The following GNMT variants were observed in gnomAD, a reference collection of about 807,000 sequenced individuals.
GNMT encodes glycine N-methyltransferase.
Under a neutral mutation model 30.2 loss-of-function variants are expected in GNMT, and 26 were observed. The observed-to-expected ratio is 0.86, with a 90% CI of 0.63 to 1.19. The LOEUF (loss-of-function observed/expected upper bound fraction) is 1.19, where lower values mean the gene tolerates loss of function less well. GNMT is among the 50% of genes most tolerant of loss of function. The pLI, the probability that GNMT is intolerant of heterozygous loss-of-function variation, is 0.00. For synonymous variants in GNMT, 163 were observed against 163.8 expected, an observed-to-expected ratio of 1.00 and a Z score of 0.04; for missense variants, 365 against 398.1, an observed-to-expected ratio of 0.92 and a Z score of 0.71.
In GNMT at chr6:42,960,823, C is replaced by A. The variant is rs866499041; in HGVS notation, c.56C>A (p.Pro19Gln). ...CTGGGGGTGGCGGCCGAAGGGCTCCCGGACCAGTACGCGGACGGGGAGGCG... is the reference window on the plus strand; with the variant it reads ...CTGGGGGTGGCGGCCGAAGGGCTCCAGGACCAGTACGCGGACGGGGAGGCG... ...RSLGVAAEGL[P>Q]DQYADGEAAR... Residue 19 changes from proline to glutamine, a missense_variant, in exon 1 of 6, where the codon CCG becomes CAG. By Grantham distance (76) the Pro-to-Gln change is moderately conservative. Around this residue, in one of 3 missense-constraint regions of GNMT, gnomAD observed 125 missense variants for 112.0 expected, o/e 1.12. Coordinates refer to ENST00000372808, the MANE Select transcript of GNMT (RefSeq NM_018960.6). The A allele has an allele frequency of 1.3e-6, 2 of 1,558,674 alleles. No homozygotes were observed. The highest frequency in any genetic ancestry group is 2.7e-5 in the African/African-American group (2 of 73,628).
intron 3 of GNMT, 43 bp from the exon 4 acceptor site, chr6:42,963,029 G>C: frequency 6.2e-7 from 1 of 1,609,956 alleles, no homozygotes. Context: ...GGTGCTGGGG[G>C]CCCTGAGCAG....
At chr6:42,962,061 T>A (rs945190036) in intron 1 of GNMT, 151 bp from the exon 2 acceptor site, 1 of 870,272 alleles carries the variant, frequency 1.1e-6, no homozygotes, top group Non-Finnish European at 1.8e-6. Flanking sequence ...GGAAACAGAT[T>A]TGTGAGGTCA....
At position 42,963,221 on chromosome 6, in the gene GNMT, C is replaced by A. The variant is rs1042612730; in HGVS notation, c.594+7C>A. ...GAAGAACATCTACTATAAGGTGGGG[C>A]CCTCTGGGGTGGGGGTGGGGGTGGG... On this transcript the variant is annotated splice_region_variant and intron_variant, in intron 4 of 5. Transcript: ENST00000372808. The A allele has an allele frequency of 1.4e-6, 2 of 1,459,068 alleles. No individual in the cohort carries two copies. The highest frequency in any genetic ancestry group is 2.4e-5 in the East Asian group (1 of 41,884). 90.4% of individuals were successfully genotyped at this position (1,459,068 alleles called of 1,614,324 possible).
rs898980962 is a variant in GNMT at position 42,963,802 on chromosome 6, A to G, written c.*96A>G. 206 of 1,134,440 alleles carry G rather than the reference A, an allele frequency of 1.8e-4. No homozygotes were observed. Among genetic ancestry groups the G allele is most frequent in the Non-Finnish European group, 2.6e-4 (198 of 757,228 alleles). 70.3% of individuals were successfully genotyped at this position (1,134,440 alleles called of 1,614,324 possible). On this transcript the variant is annotated 3_prime_UTR_variant, in exon 6 of 6. Coordinates refer to ENST00000372808, the MANE Select transcript of GNMT (RefSeq NM_018960.6). ...GCCCCACACCAGGGCCAGCCTCTAGAGCAGACTACAGCTGGGGTGCAGGGA... is the reference window on the plus strand; with the variant it reads ...GCCCCACACCAGGGCCAGCCTCTAGGGCAGACTACAGCTGGGGTGCAGGGA...
chr6:42,963,220 G>A lies in GNMT; in HGVS notation c.594+6G>A, dbSNP rs776271853. Reference sequence around the variant, plus strand: ...GGAAGAACATCTACTATAAGGTGGGGCCCTCTGGGGTGGGGGTGGGGGTGG... The same window carrying A: ...GGAAGAACATCTACTATAAGGTGGGACCCTCTGGGGTGGGGGTGGGGGTGG... On this transcript the variant is annotated splice_donor_region_variant and intron_variant, in intron 4 of 5. Coordinates refer to ENST00000372808, the MANE Select transcript of GNMT (RefSeq NM_018960.6). 1.6e-5 allele frequency: 19 copies of A among 1,208,788 alleles called. No individual in the cohort carries two copies. The highest frequency in any genetic ancestry group is 1.9e-5 in the Non-Finnish European group (17 of 904,564). The allele number at this position is 1,208,788 out of a possible 1,614,324, so 74.9% of individuals were successfully genotyped here. A position where few individuals can be genotyped will look rare whatever the true frequency, so the allele number is the denominator to read the frequency against.
rs1769555007 is a variant in GNMT at position 42,963,547 on chromosome 6, C to T, written c.729C>T (p.Leu243=). ...GCCTCTGTTACAGTAAGTTCCGGCT[C>T]TCCTACTACCCACACTGTCTGGCAT... ...DGSPGLSKFR[L]SYYPHCLASF... Residue 243 remains leucine, a synonymous_variant, in exon 6 of 6, where the codon CTC becomes CTT. Transcript: ENST00000372808. 1 of 1,614,160 alleles carries T rather than the reference C, an allele frequency of 6.2e-7. No individual in the cohort carries two copies. The highest frequency in any genetic ancestry group is 8.5e-7 in the Non-Finnish European group (1 of 1,179,992).
Position 42,963,136 on chromosome 6 carries a change from A to G in GNMT, c.516A>G (p.Leu172=). The change falls in exon 4 of 6, where the codon CTA becomes CTG. Residue 172 remains leucine, a synonymous_variant. Coordinates refer to ENST00000372808, the MANE Select transcript of GNMT (RefSeq NM_018960.6). The part of the protein sequence containing the change: ...NIASMVRAGG[L]LVIDHRNYDH... ...CGAGCATGGTGCGGGCAGGGGGCCTACTGGTCATTGATCATCGCAACTACG... is the reference window on the plus strand; with the variant it reads ...CGAGCATGGTGCGGGCAGGGGGCCTGCTGGTCATTGATCATCGCAACTACG... 1 of 1,612,074 alleles carries G rather than the reference A, an allele frequency of 6.2e-7. No homozygotes were observed. Among genetic ancestry groups the G allele is most frequent in the African/African-American group, 1.3e-5 (1 of 74,708 alleles).
chr6:42,962,676 AC>A, intron 2 of GNMT, 85 bp from the exon 3 acceptor site: 1 of 954,012 alleles, frequency 1.0e-6, no homozygotes, highest in Non-Finnish European at 1.7e-6. Context: ...TTAAGAAGAA[AC>A]CCAGGCAGGA....
intron 1 of GNMT, among the ~76,000 whole-genome samples, chr6:42,961,833 A>C (rs976221361): frequency 6.6e-6 from 1 of 152,114 alleles, no homozygotes; most frequent in Non-Finnish European, 1.5e-5. Context: ...GATTACAGGC[A>C]TGAGCCACCG....
At chr6:42,962,490 T>G (rs1302113356) in intron 2 of GNMT, 151 bp downstream of exon 2, 5 of 901,206 alleles carry the variant, frequency 5.5e-6, no homozygotes, top group Admixed American at 4.4e-5. Context: ...AAGCAAGTCT[T>G]AAGCTCCAGA....
intron 1 of GNMT, among the ~76,000 whole-genome samples, chr6:42,961,673 C>T (rs866113145): frequency 8.6e-5 from 13 of 151,430 alleles, no homozygotes; most frequent in South Asian, 2.1e-4. Flanking sequence ...CCTGCCTCAG[C>T]CTCCCGAGTA....
intron 1 of GNMT, among the ~76,000 whole-genome samples, chr6:42,961,507 C>A (rs2114225099): frequency 6.6e-6 from 1 of 151,384 alleles, no homozygotes; most frequent in Non-Finnish European, 1.5e-5. Context: ...AAGGAGCTAA[C>A]AGGCCCGGGT....
Position 42,962,887 on chromosome 6 carries a change from G to A in GNMT, c.451+9G>A, listed in dbSNP as rs763971935. 2 of 1,608,804 alleles carry A rather than the reference G, an allele frequency of 1.2e-6. No individual in the cohort carries two copies. Among genetic ancestry groups the A allele is most frequent in the Non-Finnish European group, 1.7e-6 (2 of 1,175,074 alleles). On this transcript the variant is annotated intron_variant, in intron 3 of 5. Transcript: ENST00000372808. ...CTTGCCAGACTGCAAAGGTAAGAGAGGGTGTGGCCTTGGGCATGGCCCCCG... is the reference window on the plus strand; with the variant it reads ...CTTGCCAGACTGCAAAGGTAAGAGAAGGTGTGGCCTTGGGCATGGCCCCCG...
chr6:42,961,115 G>A (rs1291014823), intron 1 of GNMT, 142 bp downstream of exon 1: 2 of 698,242 alleles, frequency 2.9e-6, no homozygotes, highest in South Asian at 2.0e-5. Context: ...AGGGCCAGGA[G>A]CAGGTACCTG....
At chr6:42,962,025 TA>T (rs1335285635) in intron 1 of GNMT, among the ~76,000 whole-genome samples, 186 bp from the exon 2 acceptor site, 2 of 151,964 alleles carry the variant, frequency 1.3e-5, no homozygotes, top group African/African-American at 2.4e-5. Flanking sequence ...GAGGTGCTTT[TA>T]AAAAAAAGTT....
Position 42,963,554 on chromosome 6 carries a change from T to C in GNMT, c.736T>C (p.Tyr246His), listed in dbSNP as rs1436990783. 4.3e-6 allele frequency: 7 copies of C among 1,614,152 alleles called. No individual in the cohort carries two copies. Among genetic ancestry groups the C allele is most frequent in the Non-Finnish European group, 5.9e-6 (7 of 1,179,988 alleles). Reference protein sequence around the residue: ...PGLSKFRLSYYPHCLASFTEL... With the variant: ...PGLSKFRLSYHPHCLASFTEL... ...TTACAGTAAGTTCCGGCTCTCCTAC[T>C]ACCCACACTGTCTGGCATCCTTCAC... The change falls in exon 6 of 6, where the codon TAC becomes CAC. Residue 246 changes from tyrosine to histidine, a missense_variant. By Grantham distance (83) the Tyr-to-His change is moderately conservative. Around this residue, in one of 3 missense-constraint regions of GNMT, gnomAD observed 232 missense variants for 263.0 expected, o/e 0.88. Coordinates refer to ENST00000372808, the MANE Select transcript of GNMT (RefSeq NM_018960.6).
At chr6:42,962,187 G>A (rs769257865) in intron 1 of GNMT, 25 bp from the exon 2 acceptor site, 25 of 1,613,936 alleles carry the variant, frequency 1.5e-5, no homozygotes, top group Non-Finnish European at 2.0e-5. Context: ...GCCTCTCTCT[G>A]CCTCTCCTCG....
chr6:42,961,640 G>A (rs930302666), intron 1 of GNMT, among the ~76,000 whole-genome samples: 4 of 146,554 alleles, frequency 2.7e-5, no homozygotes, highest in South Asian at 2.2e-4. Flanking sequence ...TGCAAGCTCC[G>A]CCTCCTGAGT....
Position 42,963,368 on chromosome 6 carries a change from T to A in GNMT, c.635T>A (p.Val212Glu). ...GACGTCACAACATCAGTGCTGATAG[T>A]GAACAACAAGGCCCACATGGTGACC... is the stretch of plus-strand genomic sequence containing the variant. ...TKDVTTSVLI[V>E]NNKAHMVTLD... The change falls in exon 5 of 6, where the codon GTG becomes GAG. Residue 212 changes from valine (V) to glutamate (E), a missense_variant. Val to Glu is a moderately radical substitution (Grantham distance 121). Transcript: ENST00000372808. 6.2e-7 allele frequency: 1 copy of A among 1,613,460 alleles called. No homozygotes were observed. Among genetic ancestry groups the A allele is most frequent in the Non-Finnish European group, 8.5e-7 (1 of 1,179,764 alleles).
Sources: allele counts gnomAD v4.1 joint callset (sites outside exome capture counted in the v4.1 genomes callset), GRCh38; gene constraint gnomAD v4.1.1; regional missense constraint gnomAD v4.1.1; transcripts MANE v1.5; gene names NCBI Gene and HGNC (gene_info 2026-07-23, HGNC 2026-07-21).